The following FMNL3 variants were observed in gnomAD, a reference collection of about 807,000 sequenced individuals.
FMNL3 encodes the protein formin like 3.
FMNL3 carries 57 observed loss-of-function variants against 119.6 expected under a neutral mutation model. The observed-to-expected ratio is 0.48, with a 90% CI of 0.39 to 0.59. The LOEUF (loss-of-function observed/expected upper bound fraction) is 0.59. Ranked by LOEUF, FMNL3 falls within the 20% of genes least tolerant of loss-of-function variation. The probability of loss-of-function intolerance (pLI) is 0.00; values close to 1 mark genes in which losing one functional copy is unlikely to be tolerated. For missense variants in FMNL3, 1,053 were observed against 1,323.5 expected, an observed-to-expected ratio of 0.80 and a Z score of 3.17; for synonymous variants, 491 against 507.3, an observed-to-expected ratio of 0.97 and a Z score of 0.43.
Position 49,656,370 on chromosome 12 carries a change from C to A in FMNL3, c.885+34G>T, listed in dbSNP as rs756631071. The A allele has an allele frequency of 8.4e-6, 7 of 836,966 alleles. No individual in the cohort carries two copies. The African/African-American group carries it at 8.9e-5, about 11-fold the overall frequency. The allele number at this position is 836,966 out of a possible 1,614,324, so 51.8% of individuals were successfully genotyped here. ...AGCTCCCTGCCTTCTCCCCCGCAAA[C>A]ACACACACACACACGCGAAGCGAAA... is the stretch of plus-strand genomic sequence containing the variant. On this transcript the variant is annotated intron_variant, in intron 9 of 25. Transcript: ENST00000335154.
At chr12:49,706,977 G>T (rs1945066114) in intron 1 of FMNL3, 78 bp downstream of exon 1, 4 of 1,480,242 alleles carry the variant, frequency 2.7e-6, no homozygotes, top group Non-Finnish European at 3.7e-6. Flanking sequence ...CGGGACGGGG[G>T]CCCAGCACAA....
chr12:49,650,929 G>A (rs1274058437), intron 16 of FMNL3, 51 bp from the exon 17 acceptor site: 7 of 1,600,818 alleles, frequency 4.4e-6, no homozygotes, highest in Non-Finnish European at 6.0e-6. Context: ...TACTAGTGGA[G>A]GACCTCATGA....
chr12:49,689,630 G>A (rs140121686), intron 1 of FMNL3, among the ~76,000 whole-genome samples: 5 of 152,298 alleles, frequency 3.3e-5, no homozygotes, highest in East Asian at 1.9e-4. Context: ...AATGGAGGAC[G>A]GCTTGAGCCT....
chr12:49,707,221 A>C lies in FMNL3; in HGVS notation c.-41T>G. ...TCAGGGGCCTCGGCCCCCCACCTCC[A>C]CGCTCCGGAGCTTTCGGCTCCGCGG... On this transcript the variant is annotated 5_prime_UTR_variant, in exon 1 of 26. Transcript: ENST00000335154. 1 of 1,460,510 alleles carries C rather than the reference A, an allele frequency of 6.8e-7. No homozygotes were observed. The highest frequency in any genetic ancestry group is 9.0e-7 in the Non-Finnish European group (1 of 1,111,472). 90.5% of individuals were successfully genotyped at this position (1,460,510 alleles called of 1,614,324 possible). A position where few individuals can be genotyped will look rare whatever the true frequency, so the allele number is the denominator to read the frequency against.
rs1235015448 is a variant in FMNL3, at chr12:49,651,434, G to A, written c.1620C>T (p.Ala540=). The change falls in exon 15 of 26, where the codon GCC becomes GCT. Residue 540 remains alanine, a synonymous_variant. Transcript: ENST00000335154. The stretch of plus-strand genomic sequence containing the variant: ...AGGGTGCAGCACCAGGGAGAGGTGG[G>A]GCTGGGGGACACTTGTCTGGGGGAA... The part of the protein sequence containing the change: ...PPPLPDKCPP[A]PPLPGAAPSV... The A allele has an allele frequency of 2.7e-6, 4 of 1,484,574 alleles. No homozygotes were observed. The Admixed American group carries it at 9.1e-5, about 34-fold the overall frequency. 92.0% of individuals were successfully genotyped at this position (1,484,574 alleles called of 1,614,324 possible).
Position 49,645,685 on chromosome 12 carries a change from C to G in FMNL3, c.*130G>C, listed in dbSNP as rs756704885. The G allele has an allele frequency of 1.9e-5, 14 of 728,724 alleles. No individual in the cohort carries two copies. Among genetic ancestry groups the G allele is most frequent in the Non-Finnish European group, 2.6e-5 (12 of 460,834 alleles). 45.1% of individuals were successfully genotyped at this position (728,724 alleles called of 1,614,324 possible). On this transcript the variant is annotated 3_prime_UTR_variant, in exon 26 of 26. Transcript: ENST00000335154. Reference sequence around the variant, plus strand: ...TAGTGGCACAAGTAGAAAGATCCAGCCTCAAGAGCTGGGGCGGACATGGTT... The same window carrying G: ...TAGTGGCACAAGTAGAAAGATCCAGGCTCAAGAGCTGGGGCGGACATGGTT...
In FMNL3 at chr12:49,642,208, C is replaced by T. The variant is rs775554601; in HGVS notation, c.*3607G>A. ...CCTGGCATCCACCCTCCTGGGTGAC[C>T]CTGTTCCGTGTCCCTTCTTTCCTCA... On this transcript the variant is annotated 3_prime_UTR_variant, in exon 26 of 26. Transcript: ENST00000335154. This position sits in a 1 kb window ranked among gnomAD's most constrained non-coding sequence, Gnocchi z 5.8. 4.0e-5 allele frequency: 65 copies of T among 1,614,074 alleles called. No homozygotes were observed. The highest frequency in any genetic ancestry group is 5.0e-5 in the Non-Finnish European group (59 of 1,180,002).
chr12:49,646,851 A>T (rs745774395), intron 25 of FMNL3, 35 bp downstream of exon 25: 1 of 1,611,156 alleles, frequency 6.2e-7, no homozygotes, highest in Non-Finnish European at 8.5e-7. Context: ...AGCTGGGTGC[A>T]ATGGCCAGGC....
rs999356122 is a variant in FMNL3, at chr12:49,705,703, T to C, written c.126+1352A>G. Among the ~76,000 whole-genome samples, 7 of 152,144 alleles carry C rather than the reference T, an allele frequency of 4.6e-5. No individual in the cohort carries two copies. The East Asian group carries it at 1.3e-3, about 29-fold the overall frequency. On this transcript the variant is annotated intron_variant, in intron 1 of 25. Coordinates refer to ENST00000335154, the MANE Select transcript of FMNL3 (RefSeq NM_175736.5). ...GACTCACCCGATCCCCCGAGGAGGC[T>C]GGGGGAAATGCAGAGGGCCACAGGA... is the stretch of plus-strand genomic sequence containing the variant.
At position 49,653,843 on chromosome 12, in the gene FMNL3, T is replaced by C. The variant is rs1943483275; in HGVS notation, c.1103A>G (p.Gln368Arg). Residue 368 changes from glutamine to arginine, a missense_variant, in exon 12 of 26, where the codon CAG becomes CGG. By Grantham distance (43) the Gln-to-Arg change is conservative. Transcript: ENST00000335154. ...KSRHTESEKL[Q>R]VQIQAYLDNV... ...GTCCAGATATGCCTGAATCTGCACC[T>C]GCAGCTTCTCGCTCTCTGTGTGCCT... 1.2e-6 allele frequency: 2 copies of C among 1,614,210 alleles called. No homozygotes were observed. Among genetic ancestry groups the C allele is most frequent in the Non-Finnish European group, 1.7e-6 (2 of 1,180,036 alleles).
intron 1 of FMNL3, among the ~76,000 whole-genome samples, chr12:49,682,697 A>G (rs778895475): frequency 5.3e-5 from 8 of 152,190 alleles, no homozygotes; most frequent in Non-Finnish European, 1.2e-4. Flanking sequence ...GTATAGTTGA[A>G]TAGTATAGGT....
intron 25 of FMNL3, among the ~76,000 whole-genome samples, chr12:49,646,226 C>CT (rs1189491905): frequency 2.0e-5 from 3 of 152,190 alleles, no homozygotes; most frequent in African/African-American, 7.2e-5. Flanking sequence ...CAAGGGACAT[C>CT]TGATACCTCC....
At chr12:49,646,717 T>G in intron 25 of FMNL3, 169 bp downstream of exon 25, 1 of 1,551,184 alleles carries the variant, frequency 6.4e-7, no homozygotes, top group Non-Finnish European at 8.7e-7. Flanking sequence ...TGAGCCCCGC[T>G]TGGCAGTACG....
At chr12:49,683,179 A>G (rs1200269448) in intron 1 of FMNL3, among the ~76,000 whole-genome samples, 1 of 152,194 alleles carries the variant, frequency 6.6e-6, no homozygotes, top group East Asian at 1.9e-4. Context: ...CTGTGCTGTG[A>G]GACTGGAGAA....
At chr12:49,652,724 A>G (rs1327221992) in intron 13 of FMNL3, among the ~76,000 whole-genome samples, 1 of 152,234 alleles carries the variant, frequency 6.6e-6, no homozygotes, top group East Asian at 1.9e-4. Context: ...GCCAGCATAT[A>G]TTCTTCTGAA....
intron 1 of FMNL3, among the ~76,000 whole-genome samples, chr12:49,701,964 T>A (rs1944921301): frequency 6.6e-6 from 1 of 151,848 alleles, no homozygotes; most frequent in African/African-American, 2.4e-5. Flanking sequence ...CTGGGAAAAC[T>A]AATGAAATAA....
chr12:49,637,349 C>A lies in FMNL3; in HGVS notation c.*8466G>T. 3.0e-6 allele frequency: 2 copies of A among 665,056 alleles called. No individual in the cohort carries two copies. The highest frequency in any genetic ancestry group is 5.3e-6 in the Non-Finnish European group (2 of 378,476). The allele number at this position is 665,056 out of a possible 1,614,324, so 41.2% of individuals were successfully genotyped here. A position where few individuals can be genotyped will look rare whatever the true frequency, so the allele number is the denominator to read the frequency against. On this transcript the variant is annotated 3_prime_UTR_variant, in exon 26 of 26. Coordinates refer to ENST00000335154, the MANE Select transcript of FMNL3 (RefSeq NM_175736.5). Reference sequence around the variant, plus strand: ...CATCTCTTCATCTCTGCCTCTCTTGCCTGCATTTCCTCAATCTTGATTGTC... The same window carrying A: ...CATCTCTTCATCTCTGCCTCTCTTGACTGCATTTCCTCAATCTTGATTGTC...
chr12:49,688,945 T>C (rs1944535706), intron 1 of FMNL3, among the ~76,000 whole-genome samples: 2 of 152,164 alleles, frequency 1.3e-5, no homozygotes, highest in Non-Finnish European at 2.9e-5. Flanking sequence ...CAAGACAACA[T>C]TTTACCCTAA....
chr12:49,649,212 C>T lies in FMNL3; in HGVS notation c.2385+47G>A, dbSNP rs1201620497. Reference sequence around the variant, plus strand: ...AGAGCTAAGCACTCTGGCTCCACAACTGCTGCCCCCCAGGCTTCCTGGCCC... The same window carrying T: ...AGAGCTAAGCACTCTGGCTCCACAATTGCTGCCCCCCAGGCTTCCTGGCCC... On this transcript the variant is annotated intron_variant, in intron 20 of 25. Coordinates refer to ENST00000335154, the MANE Select transcript of FMNL3 (RefSeq NM_175736.5). This position sits in a 1 kb window ranked among gnomAD's most constrained non-coding sequence, Gnocchi z 5.6. 1.2e-6 allele frequency: 2 copies of T among 1,613,146 alleles called. No homozygotes were observed. Among genetic ancestry groups the T allele is most frequent in the Non-Finnish European group, 1.7e-6 (2 of 1,179,444 alleles).
Sources: gnomAD v4.1 joint callset for allele counts (sites outside exome capture counted in the v4.1 genomes callset) on GRCh38, gnomAD v4.1.1 for gene constraint, Gnocchi (gnomAD v3.1) non-coding constraint, MANE v1.5 for transcripts, NCBI Gene and HGNC (gene_info 2026-07-23, HGNC 2026-07-21) for gene names.